Variants in COL24A1 observed in about 807,000 individuals in gnomAD.
COL24A1 encodes the protein collagen alpha-1(XXIV) chain.
A neutral mutation model predicts 253.9 loss-of-function variants in COL24A1; 224 were observed. The ratio of observed to expected loss-of-function variants is 0.88; its 90% confidence interval spans 0.79 to 0.99. The LOEUF is 0.99. Among genes scored for constraint, COL24A1 ranks in the 50% least tolerant of loss-of-function variants. COL24A1 has a pLI of 0.00. For synonymous variants in COL24A1, 685 were observed against 673.7 expected, an observed-to-expected ratio of 1.02 and a Z score of -0.26; for missense variants, 2,131 against 2,068.5, an observed-to-expected ratio of 1.03 and a Z score of -0.59.
At chr1:86,087,358 G>A (rs1040651003) in intron 7 of COL24A1, among the ~76,000 whole-genome samples, 2 of 152,064 alleles carry the variant, frequency 1.3e-5, no homozygotes, top group African/African-American at 2.4e-5. Flanking sequence ...CATGTACACG[G>A]GTCTCTGAAA....
rs1415527716 is a variant in COL24A1 at position 85,744,809 on chromosome 1, A to C, written c.4529T>G (p.Leu1510Ter). 8.7e-6 allele frequency: 14 copies of C among 1,610,606 alleles called. No individual in the cohort carries two copies. Among genetic ancestry groups the C allele is most frequent in the Non-Finnish European group, 1.1e-5 (13 of 1,178,612 alleles). ...MESYQNTEVT[L>*]IDHSEEIFKT... is the part of the protein sequence containing the mutation. ...GAATATCTCTTCACTGTGGTCAATTAAAGTCACTTCAGTATTCTGGTAGCT... is the reference window on the plus strand; with the variant it reads ...GAATATCTCTTCACTGTGGTCAATTCAAGTCACTTCAGTATTCTGGTAGCT... Residue 1510 changes from leucine to a stop codon, truncating the protein, a stop_gained, in exon 57 of 60, where the codon TTA becomes TGA. Transcript: ENST00000370571. LOFTEE classifies it high-confidence loss of function.
chr1:85,848,170 T>C (rs566820493), intron 38 of COL24A1, among the ~76,000 whole-genome samples: 41 of 152,364 alleles, frequency 2.7e-4, no homozygotes, highest in African/African-American at 9.6e-4. Context: ...AGAGCTCCAG[T>C]GTGCAGTTCT....
chr1:86,029,055 T>C (rs1400843431), intron 14 of COL24A1, among the ~76,000 whole-genome samples: 4 of 152,138 alleles, frequency 2.6e-5, no homozygotes, highest in Non-Finnish European at 4.4e-5. Flanking sequence ...AAAAACTGCA[T>C]GAAGAGCATC....
chr1:85,977,608 G>A (rs1393242647), intron 20 of COL24A1, among the ~76,000 whole-genome samples: 1 of 152,086 alleles, frequency 6.6e-6, no homozygotes, highest in East Asian at 1.9e-4. Flanking sequence ...ACTAGGACAG[G>A]TAGAAGAAAG....
chr1:86,123,514 TC>T (rs1468586292), intron 3 of COL24A1, among the ~76,000 whole-genome samples: 1 of 152,020 alleles, frequency 6.6e-6, no homozygotes, highest in Non-Finnish European at 1.5e-5. Flanking sequence ...TACTTTGTGT[TC>T]CTGCTTTGCT....
At chr1:85,999,730 T>A (rs188615795) in intron 19 of COL24A1, among the ~76,000 whole-genome samples, 92 of 152,286 alleles carry the variant, frequency 6.0e-4, no homozygotes, top group African/African-American at 2.1e-3. Context: ...TAGATAATAG[T>A]TACAGAGACT....
intron 45 of COL24A1, among the ~76,000 whole-genome samples, chr1:85,823,088 T>C (rs1411801177): frequency 6.6e-6 from 1 of 152,224 alleles, no homozygotes; most frequent in African/African-American, 2.4e-5. Context: ...GTGGTCGCTA[T>C]ACCTATTGTA....
chr1:85,786,822 A>G (rs145720476), intron 47 of COL24A1, among the ~76,000 whole-genome samples: 1 of 152,292 alleles, frequency 6.6e-6, no homozygotes, highest in African/African-American at 2.4e-5. Context: ...TAACTGCTGA[A>G]AGTCTCCTTA....
chr1:85,909,998 T>C lies in COL24A1; in HGVS notation c.2622A>G (p.Glu874=). The part of the protein sequence containing the change: ...GMTGSIGEKG[E]RGSPGPLGPQ... ...GACCTAGTGGGCCTGGACTTCCACGTTCTCCCTTTTAAGAGAACAAAGAAA... is the reference window on the plus strand; with the variant it reads ...GACCTAGTGGGCCTGGACTTCCACGCTCTCCCTTTTAAGAGAACAAAGAAA... The change falls in exon 26 of 60, where the codon GAA becomes GAG. Residue 874 remains glutamate, a synonymous_variant. Coordinates refer to ENST00000370571, the MANE Select transcript of COL24A1 (RefSeq NM_152890.7). 6.2e-7 allele frequency: 1 copy of C among 1,609,882 alleles called. No individual in the cohort carries two copies. The highest frequency in any genetic ancestry group is 8.5e-7 in the Non-Finnish European group (1 of 1,176,634).
intron 23 of COL24A1, among the ~76,000 whole-genome samples, chr1:85,963,446 A>C (rs1250661999): frequency 6.6e-6 from 1 of 152,174 alleles, no homozygotes; most frequent in Non-Finnish European, 1.5e-5. Context: ...GTTAATAGTC[A>C]AAAAGCAAAA....
Position 85,823,746 on chromosome 1 carries a change from T to C in COL24A1, c.3682-8A>G. 4 of 1,612,626 alleles carry C rather than the reference T, an allele frequency of 2.5e-6. No homozygotes were observed. The highest frequency in any genetic ancestry group is 3.4e-6 in the Non-Finnish European group (4 of 1,178,894). On this transcript the variant is annotated splice_polypyrimidine_tract_variant and splice_region_variant and intron_variant, in intron 43 of 59. Transcript: ENST00000370571. ...TGGTACACCCACATGGCCCTAGAAA[T>C]AGAAAAGATTACATTATTAGAGTAA...
At chr1:85,997,735 C>T (rs888452337) in intron 19 of COL24A1, among the ~76,000 whole-genome samples, 56 of 149,072 alleles carry the variant, frequency 3.8e-4, no homozygotes, top group African/African-American at 1.3e-3. Context: ...GAGCCAAGAT[C>T]GCGCCACTGC....
chr1:86,023,445 C>T (rs946451128), intron 14 of COL24A1, among the ~76,000 whole-genome samples: 1 of 152,136 alleles, frequency 6.6e-6, no homozygotes, highest in South Asian at 2.1e-4. Flanking sequence ...ATGTGCCAGA[C>T]ATCCTAATGA....
intron 59 of COL24A1, among the ~76,000 whole-genome samples, chr1:85,731,948 T>C (rs113203695): frequency 3.3e-5 from 5 of 151,932 alleles, no homozygotes; most frequent in Admixed American, 6.6e-5. Context: ...CCCATACATA[T>C]ACACACACAC....
intron 31 of COL24A1, among the ~76,000 whole-genome samples, 190 bp downstream of exon 31, chr1:85,895,668 G>A (rs2102794801): frequency 6.6e-6 from 1 of 152,168 alleles, no homozygotes; most frequent in East Asian, 1.9e-4. Context: ...AACAATAGTT[G>A]TATTAGAGAA....
At chr1:85,934,128 T>C (rs1688050449) in intron 24 of COL24A1, among the ~76,000 whole-genome samples, 1 of 152,088 alleles carries the variant, frequency 6.6e-6, no homozygotes, top group Non-Finnish European at 1.5e-5. Flanking sequence ...CCTGAGGACA[T>C]AGTAGTTGGC....
intron 12 of COL24A1, among the ~76,000 whole-genome samples, chr1:86,043,345 C>CA (rs1200861318): frequency 6.6e-6 from 1 of 151,068 alleles, no homozygotes; most frequent in African/African-American, 2.4e-5. Flanking sequence ...CTATCACCCA[C>CA]AAAAATTAAA....
At chr1:85,833,929 A>G (rs1321952410) in intron 43 of COL24A1, among the ~76,000 whole-genome samples, 14 of 133,338 alleles carry the variant, frequency 1.0e-4, no homozygotes, top group Non-Finnish European at 4.6e-5. Flanking sequence ...GAACACTGGG[A>G]CACAGGAAGG....
chr1:86,122,433 T>C (rs535402694), intron 3 of COL24A1, among the ~76,000 whole-genome samples: 89 of 152,092 alleles, frequency 5.9e-4, no homozygotes, highest in African/African-American at 1.7e-3. Context: ...AACTCTATAG[T>C]TTCAACTATA....
Sources: gnomAD v4.1 joint callset for allele counts (sites outside exome capture counted in the v4.1 genomes callset) on GRCh38, gnomAD v4.1.1 for gene constraint, MANE v1.5 for transcripts, NCBI Gene and HGNC (gene_info 2026-07-23, HGNC 2026-07-21) for gene names.